CCDC40: variants seen among roughly 807,000 people sequenced by gnomAD.
CCDC40 encodes the protein coiled-coil domain 40 molecular ruler complex subunit.
In CCDC40, 104 loss-of-function variants were observed where a neutral mutation model predicts 124.5. That is an observed-to-expected ratio of 0.84 (90% CI 0.71 to 0.98). The LOEUF (loss-of-function observed/expected upper bound fraction) is 0.98, where lower values mean the gene tolerates loss of function less well. Among genes scored for constraint, CCDC40 ranks in the 50% least tolerant of loss-of-function variants. CCDC40 has a pLI of 0.00. For synonymous variants in CCDC40, 580 were observed against 602.9 expected (o/e 0.96, Z 0.56); for missense variants, 1,463 against 1,503.9 (o/e 0.97, Z 0.45).
intron 1 of CCDC40, 162 bp downstream of exon 1, chr17:80,036,853 G>C: frequency 1.7e-6 from 1 of 601,626 alleles, no homozygotes; most frequent in South Asian, 2.9e-5. Context: ...GGCCTTTCCC[G>C]TCCACTGCGT....
At chr17:80,093,808 C>T (rs2038759923) in intron 17 of CCDC40, among the ~76,000 whole-genome samples, 1 of 152,130 alleles carries the variant, frequency 6.6e-6, no homozygotes, top group African/African-American at 2.4e-5. Context: ...GCCACCGCAC[C>T]CGGCCTGTTT....
chr17:80,100,433 C>G lies in CCDC40; in HGVS notation c.*658C>G, dbSNP rs1010788007. On this transcript the variant is annotated 3_prime_UTR_variant, in exon 20 of 20. Transcript: ENST00000397545. The stretch of plus-strand genomic sequence containing the variant: ...CTGGGGCGTCCACACCAAGGGACTA[C>G]GCCCCAGTCTGCCCACCTATCTTTT... 1.3e-5 allele frequency: 2 copies of G among 153,492 alleles called. No homozygotes were observed. The highest frequency in any genetic ancestry group is 2.9e-5 in the Non-Finnish European group (2 of 68,994). 9.5% of individuals were successfully genotyped at this position (153,492 alleles called of 1,614,324 possible). A position where few individuals can be genotyped will look rare whatever the true frequency, so the allele number is the denominator to read the frequency against.
chr17:80,090,213 G>C lies in CCDC40; in HGVS notation c.2832+329G>C, dbSNP rs1170174095. ...ACGGGACGCACGCAGGCACGTGCAC[G>C]AAGAACACGGGACGCGCGCAGGCAC... On this transcript the variant is annotated intron_variant, in intron 17 of 19. Coordinates refer to ENST00000397545, the MANE Select transcript of CCDC40 (RefSeq NM_017950.4). 21 of 765,918 alleles carry C rather than the reference G, an allele frequency of 2.7e-5. 2 individuals are homozygous for C. The highest frequency in any genetic ancestry group is 1.9e-4 in the South Asian group (8 of 43,164). 47.4% of individuals were successfully genotyped at this position (765,918 alleles called of 1,614,324 possible). A position where few individuals can be genotyped will look rare whatever the true frequency, so the allele number is the denominator to read the frequency against.
At chr17:80,064,773 C>T (rs1285924740) in intron 9 of CCDC40, among the ~76,000 whole-genome samples, 1 of 151,816 alleles carries the variant, frequency 6.6e-6, no homozygotes, top group Non-Finnish European at 1.5e-5. Flanking sequence ...GCCTGCCTGA[C>T]CTGCCCACCC....
rs368929374 is a variant in CCDC40, at chr17:80,065,574, C to G, written c.1530C>G (p.Asp510Glu). ...GCCTGGTGGGCATGAAGCACCGCGA[C>G]GAGGCGCACAGGGCGGTGCTGGAGG... The part of the protein sequence containing the change: ...ASSLVGMKHR[D>E]EAHRAVLEAL... The change falls in exon 10 of 20, where the codon GAC (aspartate) becomes GAG (glutamate). Residue 510 changes from aspartate (D) to glutamate (E), a missense_variant. By Grantham distance (45) the Asp-to-Glu change is conservative. Coordinates refer to ENST00000397545, the MANE Select transcript of CCDC40 (RefSeq NM_017950.4). The G allele has an allele frequency of 3.9e-5, 63 of 1,612,788 alleles. 1 individual carries two copies. The highest frequency in any genetic ancestry group is 8.3e-5 in the Admixed American group (5 of 59,990).
rs755159452 is a variant in CCDC40 at position 80,040,188 on chromosome 17, C to T, written c.470C>T (p.Thr157Ile). The change falls in exon 3 of 20, where the codon ACC becomes ATC. Residue 157 changes from threonine (T) to isoleucine (I), a missense_variant. Physicochemically the swap from Thr to Ile is moderately conservative, Grantham distance 89. Coordinates refer to ENST00000397545, the MANE Select transcript of CCDC40 (RefSeq NM_017950.4). ...CCAGAATCCAGAGAAAGGAGGGTCA[C>T]CTCCCCAGAGCCATCCCACGGAGTC... ...GPPESRERRV[T>I]SPEPSHGVLG... The T allele has an allele frequency of 1.7e-5, 28 of 1,613,766 alleles. No individual in the cohort carries two copies. The highest frequency in any genetic ancestry group is 3.3e-4 in the Middle Eastern group (2 of 6,074).
Position 80,081,906 on chromosome 17 carries a change from G to T in CCDC40, c.1837G>T (p.Ala613Ser). ...EQMILTEELQ[A>S]IRQAIQGELE... is the part of the protein sequence containing the mutation. ...AATGATACTCACGGAGGAGTTGCAG[G>T]CCATCCGCCAAGCCATCCAGGGCGA... Residue 613 changes from alanine to serine, a missense_variant, in exon 12 of 20, where the codon GCC becomes TCC. Transcript: ENST00000397545. The T allele has an allele frequency of 6.2e-7, 1 of 1,614,122 alleles. No individual in the cohort carries two copies. The highest frequency in any genetic ancestry group is 8.5e-7 in the Non-Finnish European group (1 of 1,180,032).
At position 80,055,897 on chromosome 17, in the gene CCDC40, G is replaced by A. The variant is rs575608326; in HGVS notation, c.1160-2597G>A. ...TGGAATGCAATGGCAGAGTAGCCTCGAACTCCCAGCCTTAAGTGATCCTCA... is the reference window on the plus strand; with the variant it reads ...TGGAATGCAATGGCAGAGTAGCCTCAAACTCCCAGCCTTAAGTGATCCTCA... On this transcript the variant is annotated intron_variant, in intron 7 of 19. Transcript: ENST00000397545. Among the ~76,000 whole-genome samples, 11 of 144,902 alleles carry A rather than the reference G, an allele frequency of 7.6e-5. No individual in the cohort carries two copies. The East Asian group carries it at 2.3e-3, about 30-fold the overall frequency.
intron 3 of CCDC40, among the ~76,000 whole-genome samples, chr17:80,043,150 G>A (rs1488699907): frequency 6.6e-6 from 1 of 152,104 alleles, no homozygotes; most frequent in Non-Finnish European, 1.5e-5. Flanking sequence ...CTGTCATTAT[G>A]TATTTTGATG....
At chr17:80,082,848 A>AAAG (rs1017082834) in intron 12 of CCDC40, among the ~76,000 whole-genome samples, 2 of 152,258 alleles carry the variant, frequency 1.3e-5, no homozygotes, top group African/African-American at 4.8e-5. Flanking sequence ...AGAGGGCAGC[A>AAAG]AAGAGTCTTG....
At chr17:80,090,745 A>G in intron 17 of CCDC40, 1 of 1,388,504 alleles carries the variant, frequency 7.2e-7, no homozygotes, top group Non-Finnish European at 9.3e-7. Flanking sequence ...CATCAAGCTA[A>G]AGGTTCAGGG....
In CCDC40 at chr17:80,087,868, T is replaced by A; in HGVS notation, c.2619+92T>A. On this transcript the variant is annotated intron_variant, in intron 15 of 19. Coordinates refer to ENST00000397545, the MANE Select transcript of CCDC40 (RefSeq NM_017950.4). The surrounding 1 kb of genome is among the most constrained non-coding windows in gnomAD (Gnocchi z 4.5). ...GGGCGTTCTGCACCAGGATGTAATT[T>A]CCACACCCGTTCAAGATGCTTGTAG... 1 of 1,349,752 alleles carries A rather than the reference T, an allele frequency of 7.4e-7. No homozygotes were observed. Among genetic ancestry groups the A allele is most frequent in the Non-Finnish European group, 1.1e-6 (1 of 940,634 alleles). The allele number at this position is 1,349,752 out of a possible 1,614,324, so 83.6% of individuals were successfully genotyped here. A position where few individuals can be genotyped will look rare whatever the true frequency, so the allele number is the denominator to read the frequency against.
intron 3 of CCDC40, among the ~76,000 whole-genome samples, chr17:80,041,017 A>G (rs915837001): frequency 6.6e-6 from 1 of 152,260 alleles, no homozygotes; most frequent in African/African-American, 2.4e-5. Context: ...CTAGATAAAA[A>G]CAATGACAAT....
At position 80,085,997 on chromosome 17, in the gene CCDC40, G is replaced by A. The variant is rs1402665990; in HGVS notation, c.2236-6G>A. The A allele has an allele frequency of 4.3e-6, 7 of 1,613,624 alleles. No individual in the cohort carries two copies. Among genetic ancestry groups the A allele is most frequent in the African/African-American group, 1.3e-5 (1 of 75,018 alleles). On this transcript the variant is annotated splice_polypyrimidine_tract_variant and splice_region_variant and intron_variant, in intron 13 of 19. Transcript: ENST00000397545. The stretch of plus-strand genomic sequence containing the variant: ...AATTTTGCTTTTTGATGAATATCCG[G>A]TCTAGGGGGAAGAAGTGGGGCCCCT...
intron 3 of CCDC40, among the ~76,000 whole-genome samples, chr17:80,043,409 T>C (rs2037331161): frequency 6.6e-6 from 1 of 152,140 alleles, no homozygotes; most frequent in Non-Finnish European, 1.5e-5. Flanking sequence ...ATAGGGCCTG[T>C]GTGCGTGTAC....
chr17:80,068,031 T>A (rs892571322), intron 10 of CCDC40: 1 of 1,016,474 alleles, frequency 9.8e-7, no homozygotes, highest in Admixed American at 5.4e-5. Context: ...AACTTTTATT[T>A]ATTATATTTT....
At chr17:80,056,006 A>ATTTTTTTTTT (rs1323101032) in intron 7 of CCDC40, among the ~76,000 whole-genome samples, 7 of 9,130 alleles carry the variant, frequency 7.7e-4, no homozygotes, top group Non-Finnish European at 1.2e-3. Flanking sequence ...ATATATATAT[A>ATTTTTTTTTT]TATATATATA....
intron 9 of CCDC40, among the ~76,000 whole-genome samples, chr17:80,061,830 C>T (rs1488665335): frequency 6.6e-6 from 1 of 151,696 alleles, no homozygotes; most frequent in Non-Finnish European, 1.5e-5. Context: ...TCATCCAGGG[C>T]GATATGATCA....
intron 18 of CCDC40, 29 bp downstream of exon 18, chr17:80,095,480 G>C: frequency 6.3e-7 from 1 of 1,598,860 alleles, no homozygotes; most frequent in South Asian, 1.1e-5. Flanking sequence ...GAAACAGGGC[G>C]CCTGCTCCTC....
Sources: gnomAD v4.1 joint callset for allele counts (sites outside exome capture counted in the v4.1 genomes callset) on GRCh38, gnomAD v4.1.1 for gene constraint, Gnocchi (gnomAD v3.1) non-coding constraint, MANE v1.5 for transcripts, NCBI Gene and HGNC (gene_info 2026-07-23, HGNC 2026-07-21) for gene names.